The following HSD17B12 variants were observed in gnomAD, a reference collection of about 807,000 sequenced individuals.
The protein encoded by HSD17B12 is very-long-chain 3-oxoacyl-CoA reductase.
A neutral mutation model predicts 39.3 loss-of-function variants in HSD17B12; 32 were observed. That is an observed-to-expected ratio of 0.81 (90% CI 0.61 to 1.09). HSD17B12 has a LOEUF of 1.09. Ranked by LOEUF, HSD17B12 falls within the 50% of genes least tolerant of loss-of-function variation. The probability of loss-of-function intolerance (pLI) is 0.00; values close to 1 mark genes in which losing one functional copy is unlikely to be tolerated. For missense variants in HSD17B12, 342 were observed against 382.9 expected (o/e 0.89, Z 0.89); for synonymous variants, 150 against 146.7 (o/e 1.02, Z -0.16).
the HSD17B12 span, among the ~76,000 whole-genome samples, chr11:43,593,687 A>G: frequency 6.6e-6 from 1 of 152,178 alleles, no homozygotes; most frequent in African/African-American, 2.4e-5. Flanking sequence ...CTTTAATGTT[A>G]CTGTAACCAT....
At chr11:43,624,081 A>G in the HSD17B12 span, among the ~76,000 whole-genome samples, 2 of 151,996 alleles carry the variant, frequency 1.3e-5, no homozygotes. Flanking sequence ...CTACCTAAAA[A>G]GAAGATTTGA....
At chr11:43,581,289 C>T in the HSD17B12 span, 1 of 464,984 alleles carries the variant, frequency 2.2e-6, no homozygotes, top group African/African-American at 2.0e-5. The surrounding 1 kb of genome is among the most constrained non-coding windows in gnomAD (Gnocchi z 4.9). Context: ...AGTGGTGAGA[C>T]TGAGCCGCGA....
chr11:43,714,431 T>G (rs550828580), intron 1 of HSD17B12, among the ~76,000 whole-genome samples: 4 of 152,338 alleles, frequency 2.6e-5, no homozygotes, highest in Middle Eastern at 3.4e-3. Context: ...ATCAGATAGT[T>G]GTAGATGTGT....
At chr11:43,671,272 C>G in the HSD17B12 span, among the ~76,000 whole-genome samples, 3 of 152,172 alleles carry the variant, frequency 2.0e-5, no homozygotes, top group Non-Finnish European at 4.4e-5. Context: ...CTCCACCTCC[C>G]AGGTTCAAGT....
intron 9 of HSD17B12, among the ~76,000 whole-genome samples, chr11:43,847,912 AC>A (rs1186824333): frequency 6.6e-6 from 1 of 152,178 alleles, no homozygotes; most frequent in African/African-American, 2.4e-5. Context: ...GAGAGAAAAC[AC>A]AATTTAAGAA....
chr11:43,733,276 A>G (rs1413345924), intron 1 of HSD17B12, among the ~76,000 whole-genome samples: 3 of 152,176 alleles, frequency 2.0e-5, no homozygotes, highest in African/African-American at 7.2e-5. Context: ...TTATGATGTG[A>G]TGAGTGACAA....
chr11:43,839,445 C>T (rs925490865), intron 8 of HSD17B12, among the ~76,000 whole-genome samples: 15 of 152,198 alleles, frequency 9.9e-5, no homozygotes, highest in South Asian at 2.1e-4. Flanking sequence ...TCTGAGGTTG[C>T]GTCCACATTT....
At chr11:43,719,174 A>G in intron 1 of HSD17B12, 1 of 742,704 alleles carries the variant, frequency 1.3e-6, no homozygotes. Flanking sequence ...AATTCTAAAT[A>G]TATGTATATC....
At chr11:43,813,546 T>C (rs1951092643) in intron 4 of HSD17B12, among the ~76,000 whole-genome samples, 1 of 151,622 alleles carries the variant, frequency 6.6e-6, no homozygotes, top group African/African-American at 2.4e-5. Flanking sequence ...ATTTTGTTTA[T>C]GTGCAATATT....
intron 1 of HSD17B12, among the ~76,000 whole-genome samples, chr11:43,714,138 T>G (rs1339812305): frequency 6.6e-6 from 1 of 152,226 alleles, no homozygotes; most frequent in Non-Finnish European, 1.5e-5. Flanking sequence ...TTAGATCCCA[T>G]TTGTCAATTT....
the HSD17B12 span, among the ~76,000 whole-genome samples, chr11:43,598,126 G>T: frequency 1.3e-5 from 2 of 152,118 alleles, no homozygotes; most frequent in African/African-American, 4.8e-5. Flanking sequence ...GCATCCTAGG[G>T]TGGAAAAGGC....
intron 1 of HSD17B12, among the ~76,000 whole-genome samples, chr11:43,721,141 A>G (rs1352347679): frequency 6.6e-6 from 1 of 151,914 alleles, no homozygotes; most frequent in Non-Finnish European, 1.5e-5. Context: ...AAGATGGACA[A>G]TAATACTAGA....
chr11:43,725,031 T>C (rs1172763614), intron 1 of HSD17B12, among the ~76,000 whole-genome samples: 2 of 152,186 alleles, frequency 1.3e-5, no homozygotes, highest in African/African-American at 4.8e-5. Flanking sequence ...ATATATTAAT[T>C]GCTTTAGTGG....
chr11:43,734,697 A>G (rs1950300575), intron 1 of HSD17B12: 1 of 251,894 alleles, frequency 4.0e-6, no homozygotes, highest in South Asian at 5.5e-5. Flanking sequence ...AGTGAAGGAA[A>G]TAAAGGTAAA....
At chr11:43,568,004 C>T in the HSD17B12 span, among the ~76,000 whole-genome samples, 6 of 152,308 alleles carry the variant, frequency 3.9e-5, no homozygotes, top group South Asian at 6.2e-4. Flanking sequence ...TTGATCTCAT[C>T]ACCTAATATA....
the HSD17B12 span, among the ~76,000 whole-genome samples, chr11:43,615,058 G>A: frequency 6.6e-6 from 1 of 152,016 alleles, no homozygotes; most frequent in African/African-American, 2.4e-5. Context: ...TCTACAATTT[G>A]CAAGACTGGA....
the HSD17B12 span, among the ~76,000 whole-genome samples, chr11:43,599,310 G>A: frequency 6.6e-6 from 1 of 152,226 alleles, no homozygotes; most frequent in South Asian, 2.1e-4. Context: ...GATCACCATA[G>A]CCTATGCGAC....
intron 1 of HSD17B12, among the ~76,000 whole-genome samples, chr11:43,702,734 A>T (rs554338190): frequency 6.6e-6 from 1 of 152,320 alleles, no homozygotes; most frequent in South Asian, 2.1e-4. Flanking sequence ...AATGGGCCAC[A>T]TGTGGCCCAG....
upstream of HSD17B12, among the ~76,000 whole-genome samples, chr11:43,679,447 C>T (rs1325710755): frequency 6.6e-6 from 1 of 151,942 alleles, no homozygotes; most frequent in Non-Finnish European, 1.5e-5. Flanking sequence ...TTTAGAAAAC[C>T]CCATCGTCTC....
Sources: gnomAD v4.1 joint callset for allele counts (sites outside exome capture counted in the v4.1 genomes callset) on GRCh38, gnomAD v4.1.1 for gene constraint, Gnocchi (gnomAD v3.1) non-coding constraint, MANE v1.5 for transcripts, NCBI Gene and HGNC (gene_info 2026-07-23, HGNC 2026-07-21) for gene names.